POLG2: variants seen among roughly 807,000 people sequenced by gnomAD.
POLG2 encodes the protein DNA polymerase gamma 2, accessory subunit.
Under a neutral mutation model 56.5 loss-of-function variants are expected in POLG2, and 50 were observed. The ratio of observed to expected loss-of-function variants is 0.88; its 90% CI spans 0.71 to 1.12. POLG2 has a LOEUF of 1.12. Among genes scored for constraint, POLG2 ranks in the 50% most tolerant of loss-of-function variants. The pLI is 0.00. For synonymous variants in POLG2, 226 were observed against 222.6 expected, an observed-to-expected ratio of 1.02 and a Z score of -0.14; for missense variants, 584 against 583.3, an observed-to-expected ratio of 1.00 and a Z score of -0.01.
chr17:64,484,542 G>T lies in POLG2; in HGVS notation c.1110+1186C>A, dbSNP rs146023087. ...AACACAACATGCACCTTTTAACAGGGCCACTCTATCAGGGGAGGAGGAGTG... is the reference window on the plus strand; with the variant it reads ...AACACAACATGCACCTTTTAACAGGTCCACTCTATCAGGGGAGGAGGAGTG... On this transcript the variant is annotated intron_variant, in intron 5 of 7. Transcript: ENST00000539111. Among the ~76,000 whole-genome samples the T allele has an allele frequency of 2.4e-3, 366 of 152,250 alleles. 4 individuals carry two copies. Among genetic ancestry groups the T allele is most frequent in the African/African-American group, 8.6e-3 (356 of 41,532 alleles).
In POLG2 at chr17:64,486,477, T is replaced by C. The variant is rs1453849681; in HGVS notation, c.970-609A>G. Among the ~76,000 whole-genome samples, 3 of 152,124 alleles carry C rather than the reference T, an allele frequency of 2.0e-5. No homozygotes were observed. The East Asian group carries it at 5.8e-4, about 29-fold the overall frequency. On this transcript the variant is annotated intron_variant, in intron 4 of 7. Transcript: ENST00000539111. ...CCCGGGTTCAAGTGATTCTCTTGCC[T>C]CAGTCTCCTGAGTAGCTAGGACTAC...
At position 64,493,004 on chromosome 17, in the gene POLG2, C is replaced by G; in HGVS notation, c.580G>C (p.Val194Leu). 6.2e-7 allele frequency: 1 copy of G among 1,614,106 alleles called. No homozygotes were observed. The highest frequency in any genetic ancestry group is 2.2e-5 in the East Asian group (1 of 44,880). ...NLLHGALEHY[V>L]NCLDLVNKRL... ...TTGTTTACCAGATCCAGGCAATTAA[C>G]ATAGTGTTCCAAGGCACCTGTCAAA... is the stretch of plus-strand genomic sequence containing the variant. Residue 194 changes from valine (V) to leucine (L), a missense_variant, in exon 2 of 8, where the codon GTT becomes CTT. Val to Leu is a conservative substitution (Grantham distance 32). Coordinates refer to ENST00000539111, the MANE Select transcript of POLG2 (RefSeq NM_007215.4).
At chr17:64,486,514 A>G (rs782542450) in intron 4 of POLG2, among the ~76,000 whole-genome samples, 4 of 151,938 alleles carry the variant, frequency 2.6e-5, no homozygotes, top group Non-Finnish European at 5.9e-5. Flanking sequence ...GGCACACACC[A>G]CCATGTCTGG....
chr17:64,493,803 A>G (rs2038105575), intron 1 of POLG2, among the ~76,000 whole-genome samples: 2 of 152,196 alleles, frequency 1.3e-5, no homozygotes, highest in South Asian at 4.1e-4. Context: ...TCAAATCTAT[A>G]AGAAAGTTGA....
chr17:64,495,975 C>T (rs1432035314), intron 1 of POLG2, among the ~76,000 whole-genome samples: 1 of 152,236 alleles, frequency 6.6e-6, no homozygotes, highest in Non-Finnish European at 1.5e-5. Context: ...TTGCAAAATG[C>T]TGGGATTACA....
intron 1 of POLG2, among the ~76,000 whole-genome samples, chr17:64,494,308 C>A (rs2038113996): frequency 7.2e-5 from 11 of 152,140 alleles, no homozygotes; most frequent in Admixed American, 6.5e-4. Flanking sequence ...TATCTTATTG[C>A]ATCATAACAT....
chr17:64,484,418 G>A (rs1394988003), intron 5 of POLG2, among the ~76,000 whole-genome samples: 2 of 152,224 alleles, frequency 1.3e-5, no homozygotes, highest in Non-Finnish European at 2.9e-5. Flanking sequence ...TGCTGCTGGA[G>A]CAGACTGAGT....
rs2038151595 is a variant in POLG2, at chr17:64,496,390, G to T, written c.562+17C>A. ...CCACCCGACACCTGTTTTGAAGCAT[G>T]AAATCGTGAAGCATACCGTGAAGAA... is the stretch of plus-strand genomic sequence containing the variant. On this transcript the variant is annotated intron_variant, in intron 1 of 7. Transcript: ENST00000539111. 7 of 1,528,058 alleles carry T rather than the reference G, an allele frequency of 4.6e-6. No homozygotes were observed. Among genetic ancestry groups the T allele is most frequent in the Non-Finnish European group, 6.2e-6 (7 of 1,121,784 alleles). 94.7% of individuals were successfully genotyped at this position (1,528,058 alleles called of 1,614,324 possible). A position where few individuals can be genotyped will look rare whatever the true frequency, so the allele number is the denominator to read the frequency against.
Position 64,496,746 on chromosome 17 carries a change from T to C in POLG2, c.223A>G (p.Arg75Gly), listed in dbSNP as rs139333917. 6.2e-7 allele frequency: 1 copy of C among 1,614,000 alleles called. No individual in the cohort carries two copies. The highest frequency in any genetic ancestry group is 8.5e-7 in the Non-Finnish European group (1 of 1,180,000). Residue 75 changes from arginine (R) to glycine (G), a missense_variant, in exon 1 of 8, where the codon AGA becomes GGA. Physicochemically the swap from Arg to Gly is moderately radical, Grantham distance 125 (BLOSUM62 -2). Coordinates refer to ENST00000539111, the MANE Select transcript of POLG2 (RefSeq NM_007215.4). ...GSEALLEICQRRHFLSGSKQQ... is the reference protein window; with the variant it reads ...GSEALLEICQGRHFLSGSKQQ... ...TTGCTTCCACTTAGGAAATGCCTTC[T>C]CTGACAGATCTCTAACAGCGCCTCG...
Position 64,477,814 on chromosome 17 carries a change from T to C in POLG2, c.*9A>G. Reference sequence around the variant, plus strand: ...GAGAGAAGAATATTTATTATACAAATATAAAAATCTATACATTCTTAGCTG... The same window carrying C: ...GAGAGAAGAATATTTATTATACAAACATAAAAATCTATACATTCTTAGCTG... On this transcript the variant is annotated 3_prime_UTR_variant, in exon 8 of 8. Coordinates refer to ENST00000539111, the MANE Select transcript of POLG2 (RefSeq NM_007215.4). The C allele has an allele frequency of 6.4e-7, 1 of 1,558,754 alleles. No individual in the cohort carries two copies. The highest frequency in any genetic ancestry group is 8.7e-7 in the Non-Finnish European group (1 of 1,155,548).
intron 5 of POLG2, 120 bp from the exon 6 acceptor site, chr17:64,483,119 AT>A: frequency 1.7e-6 from 1 of 592,904 alleles, no homozygotes; most frequent in South Asian, 2.1e-5. Context: ...AACAGTTATA[AT>A]TTTCTGTGTG....
intron 3 of POLG2, chr17:64,491,731 T>C: frequency 1.2e-6 from 1 of 818,528 alleles, no homozygotes. Context: ...TACATGCTCT[T>C]CATCTACTGC....
At chr17:64,495,278 T>C (rs978235650) in intron 1 of POLG2, among the ~76,000 whole-genome samples, 1 of 148,598 alleles carries the variant, frequency 6.7e-6, no homozygotes, top group Non-Finnish European at 1.5e-5. Flanking sequence ...AGTTAGGAAA[T>C]ATATTTTTAA....
At position 64,485,808 on chromosome 17, in the gene POLG2, G is replaced by A. The variant is rs782004592; in HGVS notation, c.1030C>T (p.Arg344Ter). Reference sequence around the variant, plus strand: ...TCATAGAGGTAGGCCAGCATGCCTCGGTCTAGGTCCCCATTTACAGAGAGA... The same window carrying A: ...TCATAGAGGTAGGCCAGCATGCCTCAGTCTAGGTCCCCATTTACAGAGAGA... ...CVLSVNGDLD[R>*]GMLAYLYDSF... The change falls in exon 5 of 8, where the codon CGA (arginine) becomes TGA (stop). Residue 344 changes from arginine (R) to a stop codon, truncating the protein, a stop_gained. Coordinates refer to ENST00000539111, the MANE Select transcript of POLG2 (RefSeq NM_007215.4). LOFTEE classifies it high-confidence loss of function. The A allele has an allele frequency of 9.3e-6, 15 of 1,611,942 alleles. No homozygotes were observed. The highest frequency in any genetic ancestry group is 1.7e-5 in the Admixed American group (1 of 60,006).
chr17:64,485,670 GAACA>G (rs782447080), intron 5 of POLG2, 54 bp downstream of exon 5: 1 of 1,351,940 alleles, frequency 7.4e-7, no homozygotes, highest in East Asian at 2.3e-5. Flanking sequence ...CTAACATTAA[GAACA>G]AACAAACCCA....
chr17:64,482,578 A>G (rs1338380372), intron 6 of POLG2, among the ~76,000 whole-genome samples: 2 of 152,110 alleles, frequency 1.3e-5, no homozygotes, highest in Non-Finnish European at 2.9e-5. Flanking sequence ...TTGGCCTCCC[A>G]AAGTGCTGGG....
intron 3 of POLG2, among the ~76,000 whole-genome samples, chr17:64,491,965 A>G (rs1489544240): frequency 7.9e-5 from 12 of 152,038 alleles, no homozygotes; most frequent in Admixed American, 7.9e-4. Flanking sequence ...AACAGACAAC[A>G]AAAATAAAAT....
chr17:64,484,127 A>G (rs1366020520), intron 5 of POLG2: 1 of 152,212 alleles, frequency 6.6e-6, no homozygotes, highest in Non-Finnish European at 1.5e-5. Flanking sequence ...GGAGAAACAG[A>G]CAATAAAAAT....
chr17:64,483,093 TAACA>T (rs782102647), intron 5 of POLG2, 94 bp from the exon 6 acceptor site: 3 of 666,390 alleles, frequency 4.5e-6, no homozygotes, highest in South Asian at 3.5e-5. Context: ...ACACAAGTAT[TAACA>T]AACAGTTTCT....
Sources: gnomAD v4.1 joint callset for allele counts (sites outside exome capture counted in the v4.1 genomes callset) on GRCh38, gnomAD v4.1.1 for gene constraint, MANE v1.5 for transcripts, NCBI Gene and HGNC (gene_info 2026-07-23, HGNC 2026-07-21) for gene names.